CACNA1D: variants seen among roughly 807,000 people sequenced by gnomAD.
The protein encoded by CACNA1D is voltage-dependent L-type calcium channel subunit alpha-1D.
CACNA1D carries 55 observed loss-of-function variants against 257.1 expected under a neutral mutation model. The ratio of observed to expected loss-of-function variants is 0.21; its 90% CI spans 0.17 to 0.27. The LOEUF is 0.27. CACNA1D is among the 10% of genes least tolerant of loss of function. The pLI is 1.00. For synonymous variants in CACNA1D, 980 were observed against 1,014.9 expected, an observed-to-expected ratio of 0.97 and a Z score of 0.65; for missense variants, 1,876 against 2,784.0, an observed-to-expected ratio of 0.67 and a Z score of 7.34.
rs763912479 is a variant in CACNA1D, at chr3:53,691,900, C to T, written c.1221-10741C>T. Among the ~76,000 whole-genome samples the T allele has an allele frequency of 4.7e-4, 15 of 31,748 alleles. 1 individual carries two copies. The South Asian group carries it at 7.0e-3, about 15-fold the overall frequency. 20.8% of individuals were successfully genotyped at this position (31,748 alleles called of 152,430 possible). A position where few individuals can be genotyped will look rare whatever the true frequency, so the allele number is the denominator to read the frequency against. ...CATATAATATATATTATATATATTACATATATTATATATAATATATATTAT... is the reference window on the plus strand; with the variant it reads ...CATATAATATATATTATATATATTATATATATTATATATAATATATATTAT... On this transcript the variant is annotated intron_variant, in intron 8 of 47. Coordinates refer to ENST00000350061, the MANE Select transcript of CACNA1D (RefSeq NM_001128840.3).
intron 8 of CACNA1D, among the ~76,000 whole-genome samples, chr3:53,700,203 AT>A (rs910859926): frequency 3.3e-5 from 5 of 151,458 alleles, no homozygotes; most frequent in African/African-American, 1.2e-4. Flanking sequence ...TATCTTCATA[AT>A]TTTTTTCCCA....
chr3:53,600,449 G>A (rs750469004), intron 3 of CACNA1D, among the ~76,000 whole-genome samples: 1 of 152,140 alleles, frequency 6.6e-6, no homozygotes, highest in East Asian at 1.9e-4. Context: ...ATTTCAGAGT[G>A]TATAATATCT....
chr3:53,653,977 A>G (rs1412449525), intron 4 of CACNA1D, among the ~76,000 whole-genome samples: 5 of 152,246 alleles, frequency 3.3e-5, no homozygotes, highest in African/African-American at 7.2e-5. Context: ...GTCAACAACT[A>G]TGCAAGCCAG....
chr3:53,602,313 T>C (rs1227420528), intron 3 of CACNA1D, among the ~76,000 whole-genome samples: 1 of 152,248 alleles, frequency 6.6e-6, no homozygotes, highest in Non-Finnish European at 1.5e-5. Context: ...CAGCATAATA[T>C]TCCATTGTGT....
At chr3:53,586,703 A>G (rs1158347915) in intron 3 of CACNA1D, among the ~76,000 whole-genome samples, 3 of 152,126 alleles carry the variant, frequency 2.0e-5, no homozygotes, top group Non-Finnish European at 4.4e-5. Context: ...ATTAGACAAG[A>G]TGATATTAAA....
intron 7 of CACNA1D, among the ~76,000 whole-genome samples, chr3:53,671,259 C>T (rs530819906): frequency 6.6e-6 from 1 of 152,198 alleles, no homozygotes; most frequent in Non-Finnish European, 1.5e-5. Flanking sequence ...GATGGCTCAG[C>T]AGATGACGGT....
Position 53,712,125 on chromosome 3 carries a change from C to A in CACNA1D, c.1391-6176C>A, listed in dbSNP as rs1322798244. Among the ~76,000 whole-genome samples, 5 of 152,364 alleles carry A rather than the reference C, an allele frequency of 3.3e-5. No homozygotes were observed. The East Asian group carries it at 9.6e-4, about 29-fold the overall frequency. ...ATTTCTGTCCCCAGAAAAGAAAACA[C>A]CCCTCCTTGGTTCTGCCTTGCTGAA... On this transcript the variant is annotated intron_variant, in intron 9 of 47. Transcript: ENST00000350061.
intron 3 of CACNA1D, among the ~76,000 whole-genome samples, chr3:53,572,412 G>A (rs544979124): frequency 6.9e-6 from 1 of 145,900 alleles, no homozygotes; most frequent in Non-Finnish European, 1.5e-5. Context: ...ATTTATTTAT[G>A]TTTTAGAGAT....
chr3:53,667,288 G>A (rs1264012385), intron 7 of CACNA1D, among the ~76,000 whole-genome samples: 1 of 152,146 alleles, frequency 6.6e-6, no homozygotes, highest in African/African-American at 2.4e-5. Context: ...AAAAATAAGT[G>A]CTATAGCATT....
intron 9 of CACNA1D, among the ~76,000 whole-genome samples, chr3:53,711,604 G>A (rs781601239): frequency 1.8e-4 from 28 of 152,214 alleles, no homozygotes; most frequent in Middle Eastern, 3.2e-3. Flanking sequence ...AGACAGCAGG[G>A]ACGTGAAGCC....
intron 3 of CACNA1D, among the ~76,000 whole-genome samples, chr3:53,533,697 G>T (rs1038513042): frequency 1.3e-5 from 2 of 152,156 alleles, no homozygotes; most frequent in African/African-American, 2.4e-5. Flanking sequence ...TGCTATGGCC[G>T]TGGGCGCTGA....
intron 3 of CACNA1D, among the ~76,000 whole-genome samples, chr3:53,562,656 C>T (rs963631312): frequency 5.9e-5 from 9 of 151,680 alleles, no homozygotes; most frequent in Admixed American, 2.6e-4. Context: ...TAAATGCCTC[C>T]CCCCCCAAAT....
At chr3:53,780,907 A>T (rs2095422164) in intron 38 of CACNA1D, among the ~76,000 whole-genome samples, 1 of 152,222 alleles carries the variant, frequency 6.6e-6, no homozygotes, top group Admixed American at 6.5e-5. Flanking sequence ...GAGTGCAGGC[A>T]GGTGACTTCT....
intron 27 of CACNA1D, 117 bp downstream of exon 27, chr3:53,749,586 G>C (rs1311273338): frequency 1.3e-6 from 1 of 758,946 alleles, no homozygotes; most frequent in Non-Finnish European, 2.3e-6. Flanking sequence ...TGTCCCTGGG[G>C]CTAGGGCCCT....
At chr3:53,646,819 T>C (rs1228937837) in intron 3 of CACNA1D, among the ~76,000 whole-genome samples, 1 of 152,146 alleles carries the variant, frequency 6.6e-6, no homozygotes, top group East Asian at 1.9e-4. Context: ...CGGGGATAGA[T>C]GGATAGACAG....
At chr3:53,541,072 T>G (rs2092285327) in intron 3 of CACNA1D, among the ~76,000 whole-genome samples, 1 of 152,182 alleles carries the variant, frequency 6.6e-6, no homozygotes, top group African/African-American at 2.4e-5. Context: ...GAATTAAGGT[T>G]GTTTTTCTTG....
chr3:53,799,675 C>T (rs955436667), intron 40 of CACNA1D, among the ~76,000 whole-genome samples: 10 of 152,228 alleles, frequency 6.6e-5, no homozygotes, highest in Admixed American at 1.3e-4. Context: ...TCTGCTCCGT[C>T]GTGGTCCGAG....
At chr3:53,564,672 A>G (rs2092802490) in intron 3 of CACNA1D, among the ~76,000 whole-genome samples, 1 of 152,132 alleles carries the variant, frequency 6.6e-6, no homozygotes, top group African/African-American at 2.4e-5. Context: ...AGTACTTTGT[A>G]TATCCTAGAC....
intron 9 of CACNA1D, among the ~76,000 whole-genome samples, chr3:53,711,472 A>T (rs1352308691): frequency 6.6e-6 from 1 of 152,230 alleles, no homozygotes; most frequent in African/African-American, 2.4e-5. Context: ...TGCCCAAGTC[A>T]TGGCAGTGGT....
Sources: gnomAD v4.1 joint callset for allele counts (sites outside exome capture counted in the v4.1 genomes callset) on GRCh38, gnomAD v4.1.1 for gene constraint, MANE v1.5 for transcripts, NCBI Gene and HGNC (gene_info 2026-07-23, HGNC 2026-07-21) for gene names.